Variants in GULP1 observed in about 807,000 individuals in gnomAD.
GULP1 encodes the protein PTB domain-containing engulfment adapter protein 1.
Under a neutral mutation model 40.9 loss-of-function variants are expected in GULP1, and 19 were observed. The ratio of observed to expected loss-of-function variants is 0.46; its 90% CI spans 0.32 to 0.68. The LOEUF (loss-of-function observed/expected upper bound fraction) is 0.68. GULP1 is among the 30% of genes least tolerant of loss of function. The pLI is 0.03. For missense variants in GULP1, 312 were observed against 362.2 expected (o/e 0.86, Z 1.12); for synonymous variants, 119 against 117.6 (o/e 1.01, Z -0.08).
chr2:188,570,557 C>T (rs937091791), intron 9 of GULP1, among the ~76,000 whole-genome samples: 12 of 152,032 alleles, frequency 7.9e-5, no homozygotes, highest in African/African-American at 1.9e-4. Context: ...TAAGGGTTCC[C>T]GCTGGGAGTG....
intron 2 of GULP1, among the ~76,000 whole-genome samples, chr2:188,477,156 G>A (rs1031030827): frequency 5.3e-5 from 8 of 152,082 alleles, no homozygotes; most frequent in African/African-American, 1.7e-4. Context: ...ACCAAATACT[G>A]TGCCAAGTAC....
chr2:188,579,505 A>G (rs1700849152), intron 9 of GULP1, among the ~76,000 whole-genome samples: 1 of 152,094 alleles, frequency 6.6e-6, no homozygotes, highest in African/African-American at 2.4e-5. Flanking sequence ...AATATCCATC[A>G]CCTCAAACAT....
At chr2:188,514,614 T>C (rs549214368) in intron 4 of GULP1, among the ~76,000 whole-genome samples, 1 of 152,324 alleles carries the variant, frequency 6.6e-6, no homozygotes, top group South Asian at 2.1e-4. Flanking sequence ...TCTGAAACAT[T>C]ATACTCCTTT....
chr2:188,546,713 A>T (rs985293320), intron 7 of GULP1, among the ~76,000 whole-genome samples: 20 of 152,044 alleles, frequency 1.3e-4, no homozygotes, highest in Non-Finnish European at 1.8e-4. Context: ...AAGATTAATA[A>T]GAGAAGAAAT....
intron 2 of GULP1, among the ~76,000 whole-genome samples, chr2:188,440,532 A>T (rs1337751661): frequency 1.3e-5 from 2 of 152,132 alleles, no homozygotes; most frequent in Non-Finnish European, 2.9e-5. Context: ...TTATGGCTAC[A>T]AATTTTTATT....
intron 7 of GULP1, among the ~76,000 whole-genome samples, chr2:188,555,159 A>G (rs1040200771): frequency 8.5e-5 from 13 of 152,112 alleles, no homozygotes; most frequent in African/African-American, 3.1e-4. Flanking sequence ...ATTGCTAGGT[A>G]AGGCTTTGTT....
At chr2:188,562,189 G>T (rs1192588561) in intron 7 of GULP1, among the ~76,000 whole-genome samples, 1 of 152,178 alleles carries the variant, frequency 6.6e-6, no homozygotes, top group Non-Finnish European at 1.5e-5. Context: ...CCTAGTGCAA[G>T]CTCCCTCCTG....
intron 1 of GULP1, chr2:188,293,892 G>GTA (rs2034352125): frequency 6.6e-6 from 1 of 152,264 alleles, no homozygotes; most frequent in Non-Finnish European, 1.5e-5. Context: ...GCTGTCGGTT[G>GTA]CACTTGGGGT....
intron 2 of GULP1, among the ~76,000 whole-genome samples, chr2:188,424,369 G>A (rs1028513280): frequency 3.3e-5 from 5 of 151,750 alleles, no homozygotes; most frequent in African/African-American, 4.8e-5. Context: ...GTAGTGTAAC[G>A]AGGCCTCATG....
chr2:188,519,829 A>T (rs1019318497), intron 4 of GULP1, among the ~76,000 whole-genome samples: 1 of 152,078 alleles, frequency 6.6e-6, no homozygotes, highest in Non-Finnish European at 1.5e-5. Context: ...TTTTAAATTG[A>T]GACAGGGCCT....
At chr2:188,356,032 C>T (rs1230345369) in intron 1 of GULP1, among the ~76,000 whole-genome samples, 1 of 151,936 alleles carries the variant, frequency 6.6e-6, no homozygotes, top group African/African-American at 2.4e-5. Context: ...GAGGAACATG[C>T]CTCAACATAA....
intron 7 of GULP1, among the ~76,000 whole-genome samples, chr2:188,552,905 C>T (rs1693839380): frequency 1.3e-5 from 2 of 150,030 alleles, no homozygotes; most frequent in Admixed American, 6.7e-5. Context: ...GTGTTTATCT[C>T]TCTCTATATA....
Position 188,292,135 on chromosome 2 carries a change from C to T in GULP1, c.-203C>T, listed in dbSNP as rs1187427303. The T allele has an allele frequency of 2.0e-5, 3 of 152,420 alleles. No individual in the cohort carries two copies. In the East Asian group the frequency reaches 5.8e-4, roughly 30 times the overall value. The allele number at this position is 152,420 out of a possible 1,614,324, so 9.4% of individuals were successfully genotyped here. A position where few individuals can be genotyped will look rare whatever the true frequency, so the allele number is the denominator to read the frequency against. On this transcript the variant is annotated 5_prime_UTR_variant, in exon 1 of 12. Transcript: ENST00000409830. This position sits in a 1 kb window ranked among gnomAD's most constrained non-coding sequence, Gnocchi z 4.0. ...ACCGGCAGCTCTCCACGCCCCTGCC[C>T]GAAGCCTGACCCGACTGCCTCTCTC...
At chr2:188,401,803 G>A (rs1232271652) in intron 2 of GULP1, among the ~76,000 whole-genome samples, 2 of 152,084 alleles carry the variant, frequency 1.3e-5, no homozygotes, top group African/African-American at 4.8e-5. Context: ...CTGTGAATAA[G>A]CAATTTAATA....
intron 1 of GULP1, among the ~76,000 whole-genome samples, chr2:188,355,669 C>T (rs1023963658): frequency 1.3e-5 from 2 of 151,842 alleles, no homozygotes; most frequent in African/African-American, 2.4e-5. Flanking sequence ...TTCCTGTTTC[C>T]GTGAGGCCAG....
intron 7 of GULP1, among the ~76,000 whole-genome samples, chr2:188,553,573 C>G (rs1694040747): frequency 6.6e-6 from 1 of 151,794 alleles, no homozygotes; most frequent in South Asian, 2.1e-4. Context: ...TTTTGTGGAG[C>G]ATTTTGTGTC....
chr2:188,314,657 C>T (rs1356121580), intron 1 of GULP1, among the ~76,000 whole-genome samples: 1 of 152,194 alleles, frequency 6.6e-6, no homozygotes. Flanking sequence ...AGCCCCACTA[C>T]ACTTTCTTTA....
intron 2 of GULP1, among the ~76,000 whole-genome samples, chr2:188,450,512 A>G (rs1228242035): frequency 2.0e-5 from 3 of 152,118 alleles, no homozygotes; most frequent in Non-Finnish European, 4.4e-5. Context: ...TTAAAAAAGT[A>G]GTGTTTTTCT....
intron 7 of GULP1, among the ~76,000 whole-genome samples, chr2:188,558,118 T>C (rs2153400540): frequency 6.6e-6 from 1 of 152,250 alleles, no homozygotes; most frequent in East Asian, 1.9e-4. Context: ...CTGCTTGAAT[T>C]CCTCCCCTGA....
Sources: gnomAD v4.1 joint callset for allele counts (sites outside exome capture counted in the v4.1 genomes callset) on GRCh38, gnomAD v4.1.1 for gene constraint, Gnocchi (gnomAD v3.1) non-coding constraint, MANE v1.5 for transcripts, NCBI Gene and HGNC (gene_info 2026-07-23, HGNC 2026-07-21) for gene names.